The following FTO variants were observed in gnomAD, a reference collection of about 807,000 sequenced individuals.
FTO encodes the protein FTO alpha-ketoglutarate dependent dioxygenase.
FTO carries 47 observed loss-of-function variants against 63.9 expected under a neutral mutation model. The observed-to-expected ratio is 0.74, with a 90% confidence interval of 0.58 to 0.94. The LOEUF (loss-of-function observed/expected upper bound fraction) is 0.94. Among genes scored for constraint, FTO ranks in the 40% least tolerant of loss-of-function variants. The pLI, the probability that FTO is intolerant of heterozygous loss-of-function variation, is 0.00. For synonymous variants in FTO, 207 were observed against 224.4 expected (o/e 0.92, Z 0.69); for missense variants, 562 against 618.1 (o/e 0.91, Z 0.96).
chr16:53,727,037 A>G (rs1390322736), intron 1 of FTO, among the ~76,000 whole-genome samples: 1 of 152,196 alleles, frequency 6.6e-6, no homozygotes, highest in Non-Finnish European at 1.5e-5. Flanking sequence ...CAATCAGGAG[A>G]AAGAAGTTTC....
chr16:53,967,547 A>G (rs1212392290), intron 8 of FTO, among the ~76,000 whole-genome samples: 1 of 152,176 alleles, frequency 6.6e-6, no homozygotes, highest in African/African-American at 2.4e-5. Context: ...TAGTGGCTAG[A>G]GCTTACAAGC....
intron 1 of FTO, among the ~76,000 whole-genome samples, chr16:53,731,852 A>G (rs1271470460): frequency 1.4e-5 from 2 of 147,250 alleles, no homozygotes; most frequent in African/African-American, 5.1e-5. Flanking sequence ...GGTTCACGCC[A>G]TTCTCCTGCC....
rs946848257 is a variant in FTO at position 54,058,731 on chromosome 16, C to T, written c.1365-53031C>T. ...CCAAAGATTACTTGGCTTTTCCCCC[C>T]ACCTCCTGTGCATGAACCGGAGAAT... On this transcript the variant is annotated intron_variant, in intron 8 of 8. Coordinates refer to ENST00000471389, the MANE Select transcript of FTO (RefSeq NM_001080432.3). 8.5e-5 allele frequency among the ~76,000 whole-genome samples: 13 copies of T among 152,150 alleles called. No individual in the cohort carries two copies. In the South Asian group the frequency reaches 1.0e-3, roughly 12 times the overall value.
intron 5 of FTO, among the ~76,000 whole-genome samples, chr16:53,875,504 A>G (rs2080623318): frequency 6.6e-6 from 1 of 152,220 alleles, no homozygotes; most frequent in East Asian, 1.9e-4. Flanking sequence ...CTATTATTAA[A>G]TTACTTCTAC....
intron 8 of FTO, among the ~76,000 whole-genome samples, chr16:54,072,705 T>G (rs1279287400): frequency 6.6e-6 from 1 of 152,090 alleles, no homozygotes. Flanking sequence ...CAGGCTGTAG[T>G]TTTGTGCCCC....
chr16:54,091,760 T>C (rs1459683151), intron 8 of FTO, among the ~76,000 whole-genome samples: 1 of 152,218 alleles, frequency 6.6e-6, no homozygotes, highest in African/African-American at 2.4e-5. Context: ...GGAACCAGAC[T>C]GCCTGGGTTC....
chr16:53,834,064 A>G (rs111903980), intron 3 of FTO, among the ~76,000 whole-genome samples: 69,583 of 151,392 alleles, frequency 0.46, 16,516 homozygotes, highest in East Asian at 0.58. Context: ...TCGGTCTGTC[A>G]CCCAGGCTGG....
chr16:53,981,879 C>G (rs1449605642), intron 8 of FTO: 1 of 149,586 alleles, frequency 6.7e-6, no homozygotes, highest in Non-Finnish European at 1.5e-5. Context: ...CCACTGCACT[C>G]TAGCCTGGGC....
At chr16:53,976,730 T>C (rs2083445333) in intron 8 of FTO, among the ~76,000 whole-genome samples, 1 of 152,150 alleles carries the variant, frequency 6.6e-6, no homozygotes, top group African/African-American at 2.4e-5. Flanking sequence ...ATTTATGTCA[T>C]CTTTTGTGTT....
chr16:53,706,717 A>T (rs1182182169), intron 1 of FTO, among the ~76,000 whole-genome samples: 1 of 152,150 alleles, frequency 6.6e-6, no homozygotes, highest in Non-Finnish European at 1.5e-5. Flanking sequence ...GGTTTTTGAG[A>T]TTAATCCATG....
chr16:53,838,497 G>A (rs2079372351), intron 3 of FTO, among the ~76,000 whole-genome samples: 1 of 151,134 alleles, frequency 6.6e-6, no homozygotes, highest in Admixed American at 6.6e-5. Context: ...TTTTAGTAGA[G>A]ACGGGATTTC....
intron 8 of FTO, among the ~76,000 whole-genome samples, chr16:53,995,514 C>T (rs539774587): frequency 3.3e-5 from 5 of 152,200 alleles, no homozygotes; most frequent in Non-Finnish European, 7.3e-5. Flanking sequence ...GGGCTAGAAA[C>T]TTGATATTTT....
chr16:54,015,312 C>T (rs1269490324), intron 8 of FTO, among the ~76,000 whole-genome samples: 4 of 152,218 alleles, frequency 2.6e-5, no homozygotes, highest in Admixed American at 2.0e-4. Context: ...AGGGTGATTA[C>T]AGCAACCTTC....
At chr16:53,837,957 T>C (rs535076711) in intron 3 of FTO, among the ~76,000 whole-genome samples, 1 of 152,318 alleles carries the variant, frequency 6.6e-6, no homozygotes, top group South Asian at 2.1e-4. Flanking sequence ...CTCCAGGCTC[T>C]TCTCTTGCAA....
chr16:53,817,210 C>T (rs1202920023), intron 2 of FTO, among the ~76,000 whole-genome samples: 3 of 152,074 alleles, frequency 2.0e-5, no homozygotes, highest in East Asian at 1.9e-4. Flanking sequence ...AATGAATGAA[C>T]GAGGATCTCT....
At chr16:54,053,584 G>A (rs78740137) in intron 8 of FTO, among the ~76,000 whole-genome samples, 9,248 of 152,154 alleles carry the variant, frequency 0.061, 348 homozygotes, top group South Asian at 0.15. Context: ...TTCCTCAGTC[G>A]GGAATGGTAA....
chr16:53,828,995 A>T (rs2079078584), intron 3 of FTO, among the ~76,000 whole-genome samples: 1 of 152,054 alleles, frequency 6.6e-6, no homozygotes, highest in Non-Finnish European at 1.5e-5. Context: ...GGTTCAAGTG[A>T]TTCTCCTGCC....
chr16:53,924,285 GA>G (rs1205395982), intron 7 of FTO, among the ~76,000 whole-genome samples: 1 of 152,136 alleles, frequency 6.6e-6, no homozygotes, highest in Non-Finnish European at 1.5e-5. Context: ...TGAGGAAACT[GA>G]TCAAAGAAAC....
At chr16:53,860,107 A>G (rs943989583) in intron 4 of FTO, among the ~76,000 whole-genome samples, 6 of 152,188 alleles carry the variant, frequency 3.9e-5, no homozygotes, top group Non-Finnish European at 7.3e-5. Context: ...CTACACACAC[A>G]TACCCACACA....
Sources: allele counts gnomAD v4.1 joint callset (sites outside exome capture counted in the v4.1 genomes callset), GRCh38; gene constraint gnomAD v4.1.1; transcripts MANE v1.5; gene names NCBI Gene and HGNC (gene_info 2026-07-23, HGNC 2026-07-21).